The following KCNT2 variants were observed in gnomAD, a reference collection of about 807,000 sequenced individuals.
KCNT2 encodes potassium channel subfamily T member 2.
KCNT2 carries 67 observed loss-of-function variants against 153.8 expected under a neutral mutation model. That is an observed-to-expected ratio of 0.44 (90% CI 0.36 to 0.53). The LOEUF is 0.53. Ranked by LOEUF, KCNT2 falls within the 20% of genes least tolerant of loss-of-function variation. The probability of loss-of-function intolerance (pLI) is 0.00; values close to 1 mark genes in which losing one functional copy is unlikely to be tolerated. For synonymous variants in KCNT2, 500 were observed against 458.8 expected, an observed-to-expected ratio of 1.09 and a Z score of -1.15; for missense variants, 975 against 1,354.8, an observed-to-expected ratio of 0.72 and a Z score of 4.40.
intron 1 of KCNT2, 66 bp downstream of exon 1, chr1:196,608,149 C>A (rs1382402504): frequency 7.1e-7 from 1 of 1,417,208 alleles, no homozygotes; most frequent in Non-Finnish European, 1.0e-6. Flanking sequence ...TTCCCCACTT[C>A]GGCCCTCCCA....
rs575861544 is a variant in KCNT2 at position 196,520,154 on chromosome 1, A to G, written c.96-27813T>C. Among the ~76,000 whole-genome samples, 8 of 152,338 alleles carry G rather than the reference A, an allele frequency of 5.3e-5. No individual in the cohort carries two copies. In the South Asian group the frequency reaches 1.7e-3, roughly 32 times the overall value. ...CTGGGATTCAAGGTTGGTTTAACGT[A>G]TGTAAATCAATAAATGTCATACATC... On this transcript the variant is annotated intron_variant, in intron 1 of 27. Transcript: ENST00000294725.
In KCNT2 at chr1:196,392,340, C is replaced by T. The variant is rs543542877; in HGVS notation, c.1294+6223G>A. 6.7e-5 allele frequency among the ~76,000 whole-genome samples: 10 copies of T among 149,238 alleles called. No individual in the cohort carries two copies. The East Asian group carries it at 7.9e-4, about 12-fold the overall frequency. On this transcript the variant is annotated intron_variant, in intron 13 of 27. Coordinates refer to ENST00000294725, the MANE Select transcript of KCNT2 (RefSeq NM_198503.5). ...GTTAAGTAGTTTCTGATGATCTCCA[C>T]GATAATAAAAAAAATCAAAGAGAAA...
At position 196,340,564 on chromosome 1, in the gene KCNT2, G is replaced by A. The variant is rs755327067; in HGVS notation, c.1560C>T (p.Gly520=). The A allele has an allele frequency of 8.5e-6, 13 of 1,527,652 alleles. No homozygotes were observed. Among genetic ancestry groups the A allele is most frequent in the Admixed American group, 4.4e-5 (2 of 45,300 alleles). The allele number at this position is 1,527,652 out of a possible 1,614,324, so 94.6% of individuals were successfully genotyped here. ...YASFHAHKKF[G]VCLIGVRRED... ...CCCTCCTAACACCAATCAAGCAGAC[G>A]CCAAACCTTAATTTAAAAAAAAAGA... The change falls in exon 16 of 28, where the codon GGC becomes GGT. Residue 520 remains glycine (G), a synonymous_variant. Transcript: ENST00000294725.
At chr1:196,514,240 T>A (rs1370687421) in intron 1 of KCNT2, among the ~76,000 whole-genome samples, 2 of 152,212 alleles carry the variant, frequency 1.3e-5, no homozygotes, top group African/African-American at 4.8e-5. Context: ...TGAATGAATT[T>A]TGCTATATAA....
intron 5 of KCNT2, among the ~76,000 whole-genome samples, chr1:196,474,886 A>G (rs1334129048): frequency 6.6e-6 from 1 of 152,218 alleles, no homozygotes; most frequent in African/African-American, 2.4e-5. Context: ...TGTATGACAG[A>G]AGACAAAATA....
chr1:196,502,878 A>G lies in KCNT2; in HGVS notation c.96-10537T>C, dbSNP rs193212495. Among the ~76,000 whole-genome samples the G allele has an allele frequency of 1.9e-3, 284 of 152,272 alleles. 1 individual carries two copies. Among genetic ancestry groups the G allele is most frequent in the African/African-American group, 6.7e-3 (278 of 41,560 alleles). On this transcript the variant is annotated intron_variant, in intron 1 of 27. Transcript: ENST00000294725. ...AATGTAAGCATGAGAACCAAAATAA[A>G]AAGAAATATAGAATAATTATAAAGG... is the stretch of plus-strand genomic sequence containing the variant.
intron 1 of KCNT2, among the ~76,000 whole-genome samples, chr1:196,542,905 G>A (rs1572773614): frequency 6.6e-6 from 1 of 152,054 alleles, no homozygotes; most frequent in African/African-American, 2.4e-5. Context: ...ATTTAATTCA[G>A]TCAACTCTCT....
At chr1:196,240,857 A>G (rs1654886883) in intron 26 of KCNT2, among the ~76,000 whole-genome samples, 1 of 152,066 alleles carries the variant, frequency 6.6e-6, no homozygotes, top group Non-Finnish European at 1.5e-5. Context: ...CATTAAATAT[A>G]TCACTTTGAT....
chr1:196,494,905 T>G (rs1281850470), intron 1 of KCNT2, among the ~76,000 whole-genome samples: 2 of 151,814 alleles, frequency 1.3e-5, no homozygotes, highest in Non-Finnish European at 2.9e-5. Flanking sequence ...GAAATGGCCA[T>G]CAATGTGGAG....
chr1:196,559,352 A>G (rs73069743), intron 1 of KCNT2, among the ~76,000 whole-genome samples: 8,235 of 151,770 alleles, frequency 0.054, 741 homozygotes, highest in African/African-American at 0.19. Flanking sequence ...AACTCATCCC[A>G]TGAATACATA....
chr1:196,257,323 T>C (rs1656600741), intron 26 of KCNT2: 1 of 982,362 alleles, frequency 1.0e-6, no homozygotes. Context: ...ATTCAAAGAC[T>C]AAAATTTCTT....
chr1:196,406,231 T>C (rs183893172), intron 12 of KCNT2, among the ~76,000 whole-genome samples: 2 of 151,630 alleles, frequency 1.3e-5, no homozygotes, highest in Admixed American at 1.3e-4. Flanking sequence ...ATTCATAGTA[T>C]TTATCATCTA....
rs551329084 is a variant in KCNT2, at chr1:196,411,607, A to C, written c.1185+11443T>G. Among the ~76,000 whole-genome samples, 6 of 151,796 alleles carry C rather than the reference A, an allele frequency of 4.0e-5. No individual in the cohort carries two copies. In the South Asian group the frequency reaches 1.2e-3, roughly 31 times the overall value. On this transcript the variant is annotated intron_variant, in intron 12 of 27. Transcript: ENST00000294725. ...GTCTTTCACCTCCTTGATTAAGTTT[A>C]ATTCTAAGTATTTTATTCTTTTTGA...
At chr1:196,444,797 C>T (rs968341317) in intron 8 of KCNT2, among the ~76,000 whole-genome samples, 1 of 151,284 alleles carries the variant, frequency 6.6e-6, no homozygotes. Context: ...TGTTTGAGGT[C>T]ATCAGTAAAT....
chr1:196,492,238 A>G (rs1679912816), intron 2 of KCNT2, 24 bp downstream of exon 2: 2 of 1,401,374 alleles, frequency 1.4e-6, no homozygotes, highest in Non-Finnish European at 1.9e-6. Context: ...GTACGAACAG[A>G]GGGGAATGAA....
chr1:196,559,594 A>G (rs2148918547), intron 1 of KCNT2, among the ~76,000 whole-genome samples: 1 of 151,946 alleles, frequency 6.6e-6, no homozygotes, highest in African/African-American at 2.4e-5. Context: ...AAAGTAAGAA[A>G]GTTTCTATTT....
chr1:196,421,070 A>C (rs142346914), intron 12 of KCNT2, among the ~76,000 whole-genome samples: 5 of 152,106 alleles, frequency 3.3e-5, no homozygotes, highest in Non-Finnish European at 5.9e-5. Context: ...CTTGCTTCTA[A>C]TTTGTTTCCT....
At chr1:196,289,791 T>G (rs1169598480) in intron 22 of KCNT2, among the ~76,000 whole-genome samples, 1 of 152,130 alleles carries the variant, frequency 6.6e-6, no homozygotes, top group African/African-American at 2.4e-5. Flanking sequence ...ATCATATTTC[T>G]TTTCTAGTAG....
intron 13 of KCNT2, among the ~76,000 whole-genome samples, chr1:196,378,128 G>A (rs1023535158): frequency 2.0e-5 from 3 of 152,104 alleles, no homozygotes; most frequent in Non-Finnish European, 4.4e-5. Context: ...GAATTACTCC[G>A]TAAAGAGAAG....
Sources: allele counts gnomAD v4.1 joint callset (sites outside exome capture counted in the v4.1 genomes callset), GRCh38; gene constraint gnomAD v4.1.1; transcripts MANE v1.5; gene names NCBI Gene and HGNC (gene_info 2026-07-23, HGNC 2026-07-21).